EFCAB6: variants seen among roughly 807,000 people sequenced by gnomAD.
EFCAB6 encodes the protein EF-hand calcium-binding domain-containing protein 6.
Under a neutral mutation model 169.8 loss-of-function variants are expected in EFCAB6, and 156 were observed. The ratio of observed to expected loss-of-function variants is 0.92; its 90% CI spans 0.81 to 1.05. The LOEUF (loss-of-function observed/expected upper bound fraction) is 1.05. EFCAB6 is among the 50% of genes least tolerant of loss of function. The pLI is 0.00. For synonymous variants in EFCAB6, 698 were observed against 676.4 expected (o/e 1.03, Z -0.50); for missense variants, 1,800 against 1,829.1 (o/e 0.98, Z 0.29).
At chr22:43,762,636 A>G (rs557058039) in intron 5 of EFCAB6, among the ~76,000 whole-genome samples, 43 of 152,382 alleles carry the variant, frequency 2.8e-4, no homozygotes, top group African/African-American at 9.9e-4. Context: ...AACAACAAAG[A>G]TAATTCTGCT....
chr22:43,803,064 G>A (rs901686676), intron 2 of EFCAB6, among the ~76,000 whole-genome samples: 1 of 152,142 alleles, frequency 6.6e-6, no homozygotes, highest in Non-Finnish European at 1.5e-5. Context: ...AAAGCCTTAA[G>A]GAGGGGAAAA....
At chr22:43,713,549 T>C (rs934701525) in intron 9 of EFCAB6, among the ~76,000 whole-genome samples, 2 of 152,102 alleles carry the variant, frequency 1.3e-5, no homozygotes, top group Non-Finnish European at 2.9e-5. Flanking sequence ...TAAATCAATA[T>C]GGTGGCAAGC....
Position 43,687,447 on chromosome 22 carries a change from GTTTTTT to G in EFCAB6, c.1142+18_1142+23del. 1.2e-6 allele frequency: 1 copy of G among 833,484 alleles called. No individual in the cohort carries two copies. The highest frequency in any genetic ancestry group is 1.7e-6 in the Non-Finnish European group (1 of 582,274). The allele number at this position is 833,484 out of a possible 1,614,324, so 51.6% of individuals were successfully genotyped here. A position where few individuals can be genotyped will look rare whatever the true frequency, so the allele number is the denominator to read the frequency against. The stretch of plus-strand genomic sequence containing the variant: ...ATTATGATATGTGTAACTAAAATTT[GTTTTTT>G]TTTTTTTTTTTACATACCTATTTCT... On this transcript the variant is annotated intron_variant, in intron 11 of 31. Transcript: ENST00000262726.
chr22:43,678,465 T>A (rs2057870761), intron 12 of EFCAB6, among the ~76,000 whole-genome samples: 1 of 151,966 alleles, frequency 6.6e-6, no homozygotes, highest in Non-Finnish European at 1.5e-5. Flanking sequence ...AAGCTCAGGT[T>A]GACTCCCTTC....
At chr22:43,653,257 G>A (rs1349018524) in intron 17 of EFCAB6, among the ~76,000 whole-genome samples, 1 of 152,120 alleles carries the variant, frequency 6.6e-6, no homozygotes, top group African/African-American at 2.4e-5. Context: ...AAAGAAAGCT[G>A]CATTGAGACT....
chr22:43,692,383 C>G (rs1355789951), intron 10 of EFCAB6, among the ~76,000 whole-genome samples: 1 of 152,030 alleles, frequency 6.6e-6, no homozygotes, highest in Non-Finnish European at 1.5e-5. Flanking sequence ...AAAAATTGAA[C>G]TCATACTAAA....
Position 43,793,348 on chromosome 22 carries a change from A to G in EFCAB6, c.-7-11023T>C, listed in dbSNP as rs143997230. 7.9e-5 allele frequency among the ~76,000 whole-genome samples: 12 copies of G among 152,318 alleles called. No individual in the cohort carries two copies. The East Asian group carries it at 1.2e-3, about 15-fold the overall frequency. ...TAAAAGCTAGTGAGACTTCAATTACAATATGAAGATTCCAAAGGGCCAGAT... is the reference window on the plus strand; with the variant it reads ...TAAAAGCTAGTGAGACTTCAATTACGATATGAAGATTCCAAAGGGCCAGAT... On this transcript the variant is annotated intron_variant, in intron 2 of 31. Coordinates refer to ENST00000262726, the MANE Select transcript of EFCAB6 (RefSeq NM_022785.4).
Position 43,554,969 on chromosome 22 carries a change from T to C in EFCAB6, c.3548A>G (p.Gln1183Arg). The change falls in exon 27 of 32, where the codon CAG (glutamine) becomes CGG (arginine). Residue 1183 changes from glutamine (Q) to arginine (R), a missense_variant. Coordinates refer to ENST00000262726, the MANE Select transcript of EFCAB6 (RefSeq NM_022785.4). ...CATGGTGTCAAAATTCTCAAACTCCTGGGTGATGGCATGGTAATGGGAAGT... is the reference window on the plus strand; with the variant it reads ...CATGGTGTCAAAATTCTCAAACTCCCGGGTGATGGCATGGTAATGGGAAGT... Reference protein sequence around the residue: ...AVTSHYHAITQEFENFDTMKT... With the variant: ...AVTSHYHAITREFENFDTMKT... 1 of 1,614,138 alleles carries C rather than the reference T, an allele frequency of 6.2e-7. No homozygotes were observed. The highest frequency in any genetic ancestry group is 8.5e-7 in the Non-Finnish European group (1 of 1,180,016).
intron 10 of EFCAB6, among the ~76,000 whole-genome samples, chr22:43,689,270 G>A (rs2058314500): frequency 6.6e-6 from 1 of 151,840 alleles, no homozygotes; most frequent in Non-Finnish European, 1.5e-5. Context: ...GAGTCATCAG[G>A]AAAATAACTG....
rs1569368613 is a variant in EFCAB6 at position 43,678,112 on chromosome 22, T to C, written c.1303A>G (p.Met435Val). 6.2e-7 allele frequency: 1 copy of C among 1,613,172 alleles called. No individual in the cohort carries two copies. Among genetic ancestry groups the C allele is most frequent in the African/African-American group, 1.3e-5 (1 of 74,746 alleles). ...REEFRYILNC[M>V]AVKLSDSEFK... The stretch of plus-strand genomic sequence containing the variant: ...TCTGAATCGCTTAGTTTTACAGCCA[T>C]GCAATTTAGAATATATCGAAATTCT... Residue 435 changes from methionine to valine, a missense_variant, in exon 13 of 32, where the codon ATG becomes GTG. By Grantham distance (21) the Met-to-Val change is conservative. Transcript: ENST00000262726.
intron 6 of EFCAB6, among the ~76,000 whole-genome samples, chr22:43,738,996 C>G (rs1362206559): frequency 6.6e-6 from 1 of 152,148 alleles, no homozygotes; most frequent in South Asian, 2.1e-4. Context: ...TCCTGCCCGT[C>G]CTACTCCCTC....
intron 5 of EFCAB6, among the ~76,000 whole-genome samples, chr22:43,760,623 A>C (rs1259332302): frequency 4.0e-5 from 6 of 150,900 alleles, no homozygotes; most frequent in Non-Finnish European, 5.9e-5. Context: ...GTTAGGCCTG[A>C]AGGTTCCGCC....
intron 27 of EFCAB6, chr22:43,540,683 T>G (rs1219688836): frequency 1.7e-5 from 13 of 766,558 alleles, no homozygotes; most frequent in Admixed American, 3.6e-5. Context: ...TTCGAACATT[T>G]GGGAGAAAAT....
At chr22:43,776,676 C>T (rs1415326346) in intron 3 of EFCAB6, among the ~76,000 whole-genome samples, 3 of 152,050 alleles carry the variant, frequency 2.0e-5, no homozygotes, top group African/African-American at 4.8e-5. Context: ...GAGCTTGATA[C>T]GTCCATGAAA....
At chr22:43,634,217 C>G (rs1312972671) in intron 18 of EFCAB6, among the ~76,000 whole-genome samples, 1 of 152,180 alleles carries the variant, frequency 6.6e-6, no homozygotes, top group African/African-American at 2.4e-5. Context: ...CAGGTGAGTT[C>G]CTTCTCCTTC....
At chr22:43,698,362 C>T (rs190690273) in intron 10 of EFCAB6, among the ~76,000 whole-genome samples, 2 of 152,284 alleles carry the variant, frequency 1.3e-5, no homozygotes, top group Admixed American at 6.5e-5. Flanking sequence ...ACATACACAT[C>T]CCAGATTCAA....
chr22:43,780,964 G>C (rs142151712), intron 3 of EFCAB6, among the ~76,000 whole-genome samples: 2 of 152,176 alleles, frequency 1.3e-5, no homozygotes, highest in African/African-American at 4.8e-5. Context: ...CTTTGTAAGT[G>C]CGTCTTACGG....
chr22:43,704,225 T>C (rs2058869843), intron 10 of EFCAB6, among the ~76,000 whole-genome samples: 1 of 151,984 alleles, frequency 6.6e-6, no homozygotes, highest in Admixed American at 6.6e-5. Flanking sequence ...AAAGGGCTAA[T>C]GGGGAAAAAA....
Position 43,782,288 on chromosome 22 carries a change from G to C in EFCAB6, c.31C>G (p.Leu11Val). MCKMAIIPDW[L>V]RSHPHTRKFT... Reference sequence around the variant, plus strand: ...TTTCGTGTGTGAGGATGCGACCTAAGCCAGTCTGGTATAATCGCCATTTTG... The same window carrying C: ...TTTCGTGTGTGAGGATGCGACCTAACCCAGTCTGGTATAATCGCCATTTTG... The change falls in exon 3 of 32, where the codon CTT becomes GTT. Residue 11 changes from leucine to valine, a missense_variant. Physicochemically the swap from Leu to Val is conservative, Grantham distance 32. Transcript: ENST00000262726. 6.2e-7 allele frequency: 1 copy of C among 1,614,094 alleles called. No homozygotes were observed. The highest frequency in any genetic ancestry group is 8.5e-7 in the Non-Finnish European group (1 of 1,179,970).
Sources: allele counts gnomAD v4.1 joint callset (sites outside exome capture counted in the v4.1 genomes callset), GRCh38; gene constraint gnomAD v4.1.1; transcripts MANE v1.5; gene names NCBI Gene and HGNC (gene_info 2026-07-23, HGNC 2026-07-21).